The following RALA variants were observed in gnomAD, a reference collection of about 807,000 sequenced individuals.
The protein encoded by RALA is RAS like proto-oncogene A.
In RALA, 5 loss-of-function variants were observed where a neutral mutation model predicts 24.0. The observed-to-expected ratio is 0.21, with a 90% CI of 0.11 to 0.44. The LOEUF (loss-of-function observed/expected upper bound fraction) is 0.44, where lower values mean the gene tolerates loss of function less well. Among genes scored for constraint, RALA ranks in the 20% least tolerant of loss-of-function variants. The probability of loss-of-function intolerance (pLI) is 0.99; values close to 1 mark genes in which losing one functional copy is unlikely to be tolerated. For missense variants in RALA, 95 were observed against 241.2 expected (o/e 0.39, Z 4.01); for synonymous variants, 77 against 83.8 (o/e 0.92, Z 0.44).
chr7:39,648,209 A>G (rs531234256), intron 1 of RALA, among the ~76,000 whole-genome samples: 1 of 152,280 alleles, frequency 6.6e-6, no homozygotes, highest in African/African-American at 2.4e-5. Flanking sequence ...TCTGAAAACC[A>G]TGGTCTTCAG....
chr7:39,649,578 C>T (rs1308690689), intron 1 of RALA, among the ~76,000 whole-genome samples: 1 of 152,184 alleles, frequency 6.6e-6, no homozygotes, highest in Non-Finnish European at 1.5e-5. Context: ...GATGCAGCAA[C>T]AGGGTGCCAT....
chr7:39,668,896 A>T (rs748500365), intron 1 of RALA, among the ~76,000 whole-genome samples: 1 of 151,416 alleles, frequency 6.6e-6, no homozygotes, highest in Non-Finnish European at 1.5e-5. Flanking sequence ...CGGGCGGATC[A>T]TGAGGTCAAG....
intron 1 of RALA, among the ~76,000 whole-genome samples, chr7:39,684,093 G>T (rs548025831): frequency 6.6e-6 from 1 of 152,266 alleles, no homozygotes; most frequent in East Asian, 1.9e-4. Context: ...TTAGTTACCT[G>T]CAGTGTACTG....
At chr7:39,705,319 T>C (rs558019352) in intron 4 of RALA, among the ~76,000 whole-genome samples, 86 of 152,344 alleles carry the variant, frequency 5.6e-4, no homozygotes, top group Non-Finnish European at 1.1e-3. Flanking sequence ...AGTCTGAGTT[T>C]TTTAATTCTA....
intron 1 of RALA, among the ~76,000 whole-genome samples, chr7:39,625,768 T>C (rs909003098): frequency 5.3e-5 from 8 of 152,250 alleles, no homozygotes; most frequent in African/African-American, 1.7e-4. Context: ...GGAATATTTT[T>C]GTCTGTAGAT....
Position 39,708,020 on chromosome 7 carries a change from A to G in RALA, c.*1775A>G, listed in dbSNP as rs887321585. 4.6e-5 allele frequency: 7 copies of G among 152,772 alleles called. No individual in the cohort carries two copies. The highest frequency in any genetic ancestry group is 2.1e-4 in the South Asian group (1 of 4,828). 9.5% of individuals were successfully genotyped at this position (152,772 alleles called of 1,614,324 possible). ...TGGGTACTGAGGTGCTATGAAGCCA[A>G]CTGACAAAGATGCATCACGTGTCTT... On this transcript the variant is annotated 3_prime_UTR_variant, in exon 5 of 5. Transcript: ENST00000005257.
At chr7:39,694,372 A>G (rs1215395294) in intron 3 of RALA, among the ~76,000 whole-genome samples, 2 of 152,222 alleles carry the variant, frequency 1.3e-5, no homozygotes, top group African/African-American at 4.8e-5. Flanking sequence ...GCATAGAGTT[A>G]AAATGCAGGA....
At chr7:39,625,243 T>G (rs1445072816) in intron 1 of RALA, among the ~76,000 whole-genome samples, 1 of 152,254 alleles carries the variant, frequency 6.6e-6, no homozygotes, top group African/African-American at 2.4e-5. Flanking sequence ...TGTTTCATTC[T>G]TCAGCAGTCA....
At chr7:39,670,758 A>G (rs1362913114) in intron 1 of RALA, among the ~76,000 whole-genome samples, 1 of 152,160 alleles carries the variant, frequency 6.6e-6, no homozygotes, top group Non-Finnish European at 1.5e-5. Flanking sequence ...TTATTTCTCA[A>G]TATTGCTGAA....
chr7:39,631,207 C>T (rs1198560417), intron 1 of RALA, among the ~76,000 whole-genome samples: 2 of 151,160 alleles, frequency 1.3e-5, no homozygotes, highest in Non-Finnish European at 2.9e-5. Context: ...AGGGTTTCGC[C>T]ATATTGGCCA....
At chr7:39,637,393 A>G (rs1791702041) in intron 1 of RALA, among the ~76,000 whole-genome samples, 1 of 152,244 alleles carries the variant, frequency 6.6e-6, no homozygotes, top group African/African-American at 2.4e-5. Flanking sequence ...ATTAACCTTC[A>G]TTCAACAATT....
chr7:39,679,647 C>A (rs1348617943), intron 1 of RALA, among the ~76,000 whole-genome samples: 1 of 152,100 alleles, frequency 6.6e-6, no homozygotes, highest in Non-Finnish European at 1.5e-5. Flanking sequence ...CATCTCTTAT[C>A]TGTAAAATGA....
intron 1 of RALA, among the ~76,000 whole-genome samples, chr7:39,646,450 CA>C (rs1791923837): frequency 6.6e-6 from 1 of 152,104 alleles, no homozygotes; most frequent in Non-Finnish European, 1.5e-5. Context: ...GTGAGACCCC[CA>C]TTTATACAAA....
chr7:39,672,773 C>T (rs2116028299), intron 1 of RALA, among the ~76,000 whole-genome samples: 1 of 151,924 alleles, frequency 6.6e-6, no homozygotes, highest in South Asian at 2.1e-4. Context: ...AAAGGCAGAA[C>T]AGTAAGGCCT....
At chr7:39,669,029 G>A (rs1241062328) in intron 1 of RALA, among the ~76,000 whole-genome samples, 1 of 151,126 alleles carries the variant, frequency 6.6e-6, no homozygotes, top group Non-Finnish European at 1.5e-5. Context: ...CAGGAGAATC[G>A]CTTGAACCTG....
At chr7:39,633,455 A>G (rs1030390160) in intron 1 of RALA, among the ~76,000 whole-genome samples, 6 of 152,206 alleles carry the variant, frequency 3.9e-5, no homozygotes. Context: ...ATGCAAGAGC[A>G]GGAAAAACTG....
At chr7:39,625,436 TATCTTA>T (rs1351894167) in intron 1 of RALA, among the ~76,000 whole-genome samples, 1 of 152,234 alleles carries the variant, frequency 6.6e-6, no homozygotes, top group East Asian at 1.9e-4. Flanking sequence ...AACTGTACCC[TATCTTA>T]ATGAAAAAGA....
At chr7:39,691,999 T>C (rs903003625) in intron 3 of RALA, among the ~76,000 whole-genome samples, 1 of 152,176 alleles carries the variant, frequency 6.6e-6, no homozygotes, top group South Asian at 2.1e-4. Context: ...ATTACTATTA[T>C]AGAAAATAAG....
chr7:39,652,776 A>T (rs1051113620), intron 1 of RALA, among the ~76,000 whole-genome samples: 1 of 151,942 alleles, frequency 6.6e-6, no homozygotes, highest in Non-Finnish European at 1.5e-5. Flanking sequence ...TAATTTTATT[A>T]TTATTATTAT....
Sources: allele counts gnomAD v4.1 joint callset (sites outside exome capture counted in the v4.1 genomes callset), GRCh38; gene constraint gnomAD v4.1.1; transcripts MANE v1.5; gene names NCBI Gene and HGNC (gene_info 2026-07-23, HGNC 2026-07-21).